The following AGBL4 variants were observed in gnomAD, a reference collection of about 807,000 sequenced individuals.
The protein encoded by AGBL4 is cytosolic carboxypeptidase 6.
A neutral mutation model predicts 66.4 loss-of-function variants in AGBL4; 58 were observed. The observed-to-expected ratio is 0.87, with a 90% confidence interval of 0.71 to 1.09. The LOEUF is 1.09. Ranked by LOEUF, AGBL4 falls within the 50% of genes least tolerant of loss-of-function variation. The pLI is 0.00. For synonymous variants in AGBL4, 234 were observed against 222.9 expected (o/e 1.05, Z -0.44); for missense variants, 579 against 631.0 (o/e 0.92, Z 0.88).
chr1:49,629,628 G>T (rs1645531672), intron 3 of AGBL4, among the ~76,000 whole-genome samples: 1 of 152,070 alleles, frequency 6.6e-6, no homozygotes, highest in African/African-American at 2.4e-5. Context: ...TGATATTTCG[G>T]GTCATTGAAT....
At chr1:49,809,331 G>GT (rs1645046906) in intron 2 of AGBL4, among the ~76,000 whole-genome samples, 1 of 131,910 alleles carries the variant, frequency 7.6e-6, no homozygotes, top group African/African-American at 3.0e-5. Context: ...GCCCTGGTGT[G>GT]TAATGATCCC....
intron 1 of AGBL4, among the ~76,000 whole-genome samples, chr1:49,903,326 G>A (rs983261472): frequency 6.6e-6 from 1 of 152,092 alleles, no homozygotes; most frequent in Admixed American, 6.6e-5. Flanking sequence ...ATAAAGAGGA[G>A]AACAATAGAC....
intron 3 of AGBL4, among the ~76,000 whole-genome samples, chr1:49,551,977 T>C (rs1652992840): frequency 1.3e-5 from 2 of 152,092 alleles, no homozygotes; most frequent in African/African-American, 4.8e-5. Flanking sequence ...CTGCAGCTGC[T>C]ATGGGGGATG....
At chr1:49,381,570 A>G (rs1191041109) in intron 3 of AGBL4, among the ~76,000 whole-genome samples, 6 of 152,158 alleles carry the variant, frequency 3.9e-5, no homozygotes, top group Non-Finnish European at 8.8e-5. Flanking sequence ...GGCGTTATTC[A>G]CAATAGCAAA....
chr1:49,663,974 A>C (rs1646317191), intron 3 of AGBL4, among the ~76,000 whole-genome samples: 1 of 152,102 alleles, frequency 6.6e-6, no homozygotes, highest in African/African-American at 2.4e-5. Context: ...AGGAGTTATA[A>C]GTCATTCCAA....
chr1:49,363,024 A>T (rs944502940), intron 3 of AGBL4, among the ~76,000 whole-genome samples: 5 of 152,162 alleles, frequency 3.3e-5, no homozygotes, highest in South Asian at 2.1e-4. Flanking sequence ...TGCATATAAC[A>T]GTCAAGGTCT....
intron 6 of AGBL4, among the ~76,000 whole-genome samples, chr1:48,721,054 A>G (rs1647139201): frequency 6.6e-6 from 1 of 151,592 alleles, no homozygotes; most frequent in African/African-American, 2.4e-5. Context: ...AGCTGAAGGT[A>G]GAGAGGCAGA....
chr1:49,517,080 G>A (rs1358548345), intron 3 of AGBL4, among the ~76,000 whole-genome samples: 1 of 151,914 alleles, frequency 6.6e-6, no homozygotes, highest in Non-Finnish European at 1.5e-5. Context: ...ACCCAGGCTG[G>A]GTGGGGAAGG....
intron 4 of AGBL4, among the ~76,000 whole-genome samples, chr1:49,139,011 T>G (rs962695879): frequency 2.6e-5 from 4 of 152,104 alleles, no homozygotes; most frequent in Non-Finnish European, 4.4e-5. Context: ...TTTCTTCACA[T>G]GTCAGCAGTA....
intron 2 of AGBL4, among the ~76,000 whole-genome samples, chr1:49,791,326 A>G (rs1297113694): frequency 6.6e-6 from 1 of 152,148 alleles, no homozygotes; most frequent in African/African-American, 2.4e-5. Flanking sequence ...CTACATGGAT[A>G]TATGTATGTT....
At chr1:49,905,637 G>T (rs1177865772) in intron 1 of AGBL4, among the ~76,000 whole-genome samples, 1 of 152,060 alleles carries the variant, frequency 6.6e-6, no homozygotes, top group African/African-American at 2.4e-5. Flanking sequence ...TTGGCTATTC[G>T]CTGTGATTAA....
chr1:48,740,295 T>A (rs1428410825), intron 6 of AGBL4, among the ~76,000 whole-genome samples: 1 of 152,154 alleles, frequency 6.6e-6, no homozygotes, highest in Non-Finnish European at 1.5e-5. Flanking sequence ...AACAGACTGG[T>A]GAGAGTACTG....
At chr1:49,874,849 A>T (rs1342330876) in intron 1 of AGBL4, among the ~76,000 whole-genome samples, 1 of 151,856 alleles carries the variant, frequency 6.6e-6, no homozygotes, top group South Asian at 2.1e-4. Flanking sequence ...TTATACTTTA[A>T]GTTTTAGGGT....
chr1:48,703,654 T>C (rs1041108588), intron 6 of AGBL4, among the ~76,000 whole-genome samples: 1 of 152,118 alleles, frequency 6.6e-6, no homozygotes, highest in Non-Finnish European at 1.5e-5. Flanking sequence ...GTTAGCTAGA[T>C]CTTGGCAAAA....
intron 3 of AGBL4, among the ~76,000 whole-genome samples, chr1:49,580,217 C>T (rs1219721544): frequency 6.6e-6 from 1 of 151,984 alleles, no homozygotes; most frequent in Admixed American, 6.6e-5. Context: ...TAAGTAAGAA[C>T]AGTTTCTTGT....
intron 6 of AGBL4, among the ~76,000 whole-genome samples, chr1:48,828,923 G>A (rs1164822414): frequency 2.6e-5 from 4 of 151,928 alleles, no homozygotes; most frequent in Non-Finnish European, 4.4e-5. Context: ...CATTGTGTAC[G>A]TGTGTGTGTG....
chr1:49,396,849 A>C (rs1044193862), intron 3 of AGBL4, among the ~76,000 whole-genome samples: 2 of 152,156 alleles, frequency 1.3e-5, no homozygotes, highest in Admixed American at 6.6e-5. Flanking sequence ...TGCTGAATGA[A>C]TGAGAAAACG....
intron 3 of AGBL4, among the ~76,000 whole-genome samples, chr1:49,534,256 A>G (rs1651397352): frequency 6.6e-6 from 1 of 152,180 alleles, no homozygotes; most frequent in South Asian, 2.1e-4. Flanking sequence ...ATATGGCTAA[A>G]ATAATGATGT....
At chr1:49,380,077 G>A (rs145787171) in intron 3 of AGBL4, among the ~76,000 whole-genome samples, 8,780 of 152,184 alleles carry the variant, frequency 0.058, 344 homozygotes, top group Middle Eastern at 0.085. Flanking sequence ...GTTTGCAGAC[G>A]ACATGATTGT....
Sources: gnomAD v4.1 joint callset for allele counts (sites outside exome capture counted in the v4.1 genomes callset) on GRCh38, gnomAD v4.1.1 for gene constraint, MANE v1.5 for transcripts, NCBI Gene and HGNC (gene_info 2026-07-23, HGNC 2026-07-21) for gene names.